Variants in ANKRD55 observed in about 807,000 individuals in gnomAD.
The protein encoded by ANKRD55 is ankyrin repeat domain-containing protein 55.
In ANKRD55, 41 loss-of-function variants were observed where a neutral mutation model predicts 60.6. The observed-to-expected ratio is 0.68, with a 90% CI of 0.53 to 0.88. The LOEUF is 0.88. Among genes scored for constraint, ANKRD55 ranks in the 40% least tolerant of loss-of-function variants. The probability of loss-of-function intolerance (pLI) is 0.00; values close to 1 mark genes in which losing one functional copy is unlikely to be tolerated. For synonymous variants in ANKRD55, 264 were observed against 290.3 expected (o/e 0.91, Z 0.92); for missense variants, 732 against 767.6 (o/e 0.95, Z 0.55).
chr5:56,148,206 T>C (rs1022418361), intron 6 of ANKRD55, among the ~76,000 whole-genome samples: 3 of 152,196 alleles, frequency 2.0e-5, no homozygotes, highest in African/African-American at 4.8e-5. Context: ...AAGACAGCCA[T>C]CTGTGTCCAA....
At chr5:56,219,234 C>G (rs1759899553) in intron 2 of ANKRD55, among the ~76,000 whole-genome samples, 1 of 139,168 alleles carries the variant, frequency 7.2e-6, no homozygotes, top group East Asian at 2.2e-4. Context: ...GATCGTGCCA[C>G]TGCACTCCAG....
intron 2 of ANKRD55, among the ~76,000 whole-genome samples, chr5:56,215,212 C>T (rs566345282): frequency 9.2e-5 from 14 of 152,286 alleles, no homozygotes; most frequent in South Asian, 6.2e-4. Flanking sequence ...TAAATAACAA[C>T]CCATCTTCAG....
At chr5:56,118,092 G>A (rs1175164014) in intron 8 of ANKRD55, among the ~76,000 whole-genome samples, 2 of 151,918 alleles carry the variant, frequency 1.3e-5, no homozygotes, top group Non-Finnish European at 2.9e-5. Flanking sequence ...GCAGTGAGCC[G>A]AGATCATACC....
intron 8 of ANKRD55, among the ~76,000 whole-genome samples, chr5:56,119,672 C>T (rs405282): frequency 0.5 from 75,660 of 151,974 alleles, 19,706 homozygotes; most frequent in African/African-American, 0.65. Context: ...CCCAGCACTT[C>T]GGGAGGCAGA....
At chr5:56,105,963 AG>A (rs1465883543) in intron 10 of ANKRD55, among the ~76,000 whole-genome samples, 2 of 152,238 alleles carry the variant, frequency 1.3e-5, no homozygotes, top group African/African-American at 4.8e-5. Flanking sequence ...TTTCTCTGAA[AG>A]CTGCCTGCAA....
intron 6 of ANKRD55, among the ~76,000 whole-genome samples, chr5:56,150,352 AT>A (rs1350543656): frequency 6.6e-6 from 1 of 152,060 alleles, no homozygotes; most frequent in African/African-American, 2.4e-5. Context: ...TATTTAACGC[AT>A]TAATAAACAA....
At chr5:56,112,657 A>G (rs146565504) in intron 9 of ANKRD55, among the ~76,000 whole-genome samples, 110 of 152,280 alleles carry the variant, frequency 7.2e-4, no homozygotes, top group African/African-American at 2.4e-3. Context: ...AAAGGCCAGC[A>G]GTTGTCGAGA....
chr5:56,223,371 A>T (rs1760020918), intron 2 of ANKRD55, among the ~76,000 whole-genome samples: 1 of 152,218 alleles, frequency 6.6e-6, no homozygotes, highest in South Asian at 2.1e-4. Flanking sequence ...CATGGAAAGG[A>T]ACAACTGGTA....
chr5:56,149,263 G>T (rs1463045566), intron 6 of ANKRD55, among the ~76,000 whole-genome samples: 1 of 152,130 alleles, frequency 6.6e-6, no homozygotes, highest in Non-Finnish European at 1.5e-5. Flanking sequence ...TGAAGGCCAA[G>T]AATACTCTGA....
chr5:56,115,503 G>A lies in ANKRD55; in HGVS notation c.965+1112C>T, dbSNP rs1052647108. On this transcript the variant is annotated intron_variant, in intron 9 of 11. Coordinates refer to ENST00000341048, the MANE Select transcript of ANKRD55 (RefSeq NM_024669.3). ...CTGGCTAGTTTTTCTGTTTTTGGTA[G>A]AGATGGGGTTTTACCATGTTGGCCA... Among the ~76,000 whole-genome samples the A allele has an allele frequency of 1.1e-4, 16 of 151,836 alleles. 1 individual carries two copies. The East Asian group carries it at 2.0e-3, about 19-fold the overall frequency.
At chr5:56,110,519 CA>C (rs1164401483) in intron 10 of ANKRD55, 1 of 146,890 alleles carries the variant, frequency 6.8e-6, no homozygotes, top group African/African-American at 2.8e-5. Context: ...GAAGGATAAA[CA>C]AAAAATGCAT....
chr5:56,170,547 T>G (rs1007861339), intron 5 of ANKRD55, 147 bp downstream of exon 5: 3 of 583,304 alleles, frequency 5.1e-6, no homozygotes, highest in Admixed American at 3.0e-5. Context: ...AATATTTTGT[T>G]GTGGTCCTAT....
At chr5:56,118,896 C>T (rs1269344083) in intron 8 of ANKRD55, among the ~76,000 whole-genome samples, 2 of 151,824 alleles carry the variant, frequency 1.3e-5, no homozygotes, top group Non-Finnish European at 2.9e-5. Flanking sequence ...ACCAAAAAAC[C>T]CAAAGAGAAC....
At chr5:56,179,132 A>G (rs999544076) in intron 3 of ANKRD55, among the ~76,000 whole-genome samples, 11 of 152,248 alleles carry the variant, frequency 7.2e-5, no homozygotes, top group Non-Finnish European at 1.5e-4. Context: ...GAAATGGCAT[A>G]AATGAACATT....
Position 56,111,772 on chromosome 5 carries a change from T to G in ANKRD55, c.976A>C (p.Thr326Pro). ...CTGCTCTGGGAGGGAGGGGGTCGAG[T>G]AGGCTCTGTTCTATGCGAATATAAA... ...LLSQESRTEP[T>P]RPPPSQSSRP... The change falls in exon 10 of 12, where the codon ACT (threonine) becomes CCT (proline). Residue 326 changes from threonine (T) to proline (P), a missense_variant. Physicochemically the swap from Thr to Pro is conservative, Grantham distance 38 (BLOSUM62 -1). Coordinates refer to ENST00000341048, the MANE Select transcript of ANKRD55 (RefSeq NM_024669.3). 6.6e-7 allele frequency: 1 copy of G among 1,512,212 alleles called. No individual in the cohort carries two copies. Among genetic ancestry groups the G allele is most frequent in the Non-Finnish European group, 8.8e-7 (1 of 1,135,002 alleles). The allele number at this position is 1,512,212 out of a possible 1,614,324, so 93.7% of individuals were successfully genotyped here.
chr5:56,105,691 C>T (rs149328788), intron 10 of ANKRD55, among the ~76,000 whole-genome samples: 6 of 152,064 alleles, frequency 3.9e-5, no homozygotes, highest in South Asian at 2.1e-4. Context: ...CTGACCATGC[C>T]GTGAGGGCTT....
chr5:56,166,115 T>TTTCTTTCTTTCTTTCTTTC (rs1561277700), intron 5 of ANKRD55, among the ~76,000 whole-genome samples: 9 of 58,020 alleles, frequency 1.6e-4, no homozygotes, highest in African/African-American at 4.5e-4. Context: ...TCTTTCTTTC[T>TTTCTTTCTTTCTTTCTTTC]TTCTTTCTTT....
At chr5:56,206,881 G>C (rs549523625) in intron 2 of ANKRD55, among the ~76,000 whole-genome samples, 2 of 152,226 alleles carry the variant, frequency 1.3e-5, no homozygotes, top group Non-Finnish European at 2.9e-5. Flanking sequence ...AGCTCTCAGG[G>C]ATTAGGACAG....
chr5:56,142,251 C>A (rs1405647336), intron 7 of ANKRD55, among the ~76,000 whole-genome samples: 3 of 152,036 alleles, frequency 2.0e-5, no homozygotes, highest in Admixed American at 2.0e-4. Context: ...TTGCTTGAAC[C>A]AGGACCCGGG....
Sources: gnomAD v4.1 joint callset for allele counts (sites outside exome capture counted in the v4.1 genomes callset) on GRCh38, gnomAD v4.1.1 for gene constraint, MANE v1.5 for transcripts, NCBI Gene and HGNC (gene_info 2026-07-23, HGNC 2026-07-21) for gene names.